Variants in XPA observed in about 807,000 individuals in gnomAD.
XPA encodes DNA repair protein complementing XP-A cells.
In XPA, 27 loss-of-function variants were observed where a neutral mutation model predicts 35.7. That is an observed-to-expected ratio of 0.76 (90% CI 0.56 to 1.04). XPA has a LOEUF of 1.04. Ranked by LOEUF, XPA falls within the 50% of genes least tolerant of loss-of-function variation. The pLI is 0.00. For missense variants in XPA, 354 were observed against 342.7 expected (o/e 1.03, Z -0.26); for synonymous variants, 133 against 118.4 (o/e 1.12, Z -0.80).
Position 97,675,311 on chromosome 9 carries a change from ATT to A in XPA, c.*126_*127del. The A allele has an allele frequency of 9.6e-7, 1 of 1,039,236 alleles. No individual in the cohort carries two copies. 64.4% of individuals were successfully genotyped at this position (1,039,236 alleles called of 1,614,324 possible). On this transcript the variant is annotated 3_prime_UTR_variant, in exon 6 of 6. Coordinates refer to ENST00000375128, the MANE Select transcript of XPA (RefSeq NM_000380.4). ...TAACATACATAATTATTACTGAAGT[ATT>A]ACTTATACAAGGGTTTCATTCATCT...
chr9:97,671,329 A>G, downstream of XPA: 6 of 658,012 alleles, frequency 9.1e-6, no homozygotes, highest in Non-Finnish European at 1.5e-5. Context: ...GGGGAAGAGG[A>G]CAGTGAATGA....
At chr9:97,695,568 C>CT (rs1295102060) in intron 1 of XPA, among the ~76,000 whole-genome samples, 5 of 152,230 alleles carry the variant, frequency 3.3e-5, no homozygotes. Context: ...GAGCCCATGA[C>CT]TTGAGCAGGA....
At chr9:97,659,085 T>C in the XPA span, among the ~76,000 whole-genome samples, 3 of 152,248 alleles carry the variant, frequency 2.0e-5, no homozygotes, top group Non-Finnish European at 2.9e-5. Context: ...AGGTGTGGTA[T>C]TGAGAACATA....
chr9:97,673,998 C>T (rs1006550465), downstream of XPA, among the ~76,000 whole-genome samples: 2 of 152,072 alleles, frequency 1.3e-5, no homozygotes, highest in Non-Finnish European at 2.9e-5. Context: ...TAGGTTCACC[C>T]TATTAACTAC....
intron 5 of XPA, among the ~76,000 whole-genome samples, chr9:97,679,175 T>C (rs1395536981): frequency 6.6e-6 from 1 of 152,204 alleles, no homozygotes; most frequent in Non-Finnish European, 1.5e-5. Flanking sequence ...AATATATCCC[T>C]ATTAGGAAAT....
At chr9:97,655,824 G>A in the XPA span, 1 of 1,483,614 alleles carries the variant, frequency 6.7e-7, no homozygotes, top group African/African-American at 1.4e-5. Context: ...GTTTAAAACT[G>A]TAACATAAAA....
At chr9:97,675,941 C>T in intron 5 of XPA, 1 of 266,568 alleles carries the variant, frequency 3.8e-6, no homozygotes, top group Non-Finnish European at 7.3e-6. Flanking sequence ...CAGAATGCCA[C>T]AGTAGGAAAA....
chr9:97,675,205 G>T lies in XPA; in HGVS notation c.*234C>A, dbSNP rs3176752. ...ACTCTAGCACTCAGCTCCCATCTCTGTTGTAAGAAGGCAATCACAGACATG... is the reference window on the plus strand; with the variant it reads ...ACTCTAGCACTCAGCTCCCATCTCTTTTGTAAGAAGGCAATCACAGACATG... On this transcript the variant is annotated 3_prime_UTR_variant, in exon 6 of 6. Coordinates refer to ENST00000375128, the MANE Select transcript of XPA (RefSeq NM_000380.4). 11,811 of 633,110 alleles carry T rather than the reference G, an allele frequency of 0.019. 625 individuals are homozygous for T. Among genetic ancestry groups the T allele is most frequent in the Admixed American group, 0.11 (5,090 of 47,652 alleles). 39.2% of individuals were successfully genotyped at this position (633,110 alleles called of 1,614,324 possible). A position where few individuals can be genotyped will look rare whatever the true frequency, so the allele number is the denominator to read the frequency against.
At chr9:97,684,467 C>G (rs1056507452) in intron 5 of XPA, among the ~76,000 whole-genome samples, 3 of 152,208 alleles carry the variant, frequency 2.0e-5, no homozygotes, top group Non-Finnish European at 4.4e-5. Context: ...AGTCACTCCA[C>G]CTTTCTGGGT....
At chr9:97,664,211 C>T in the XPA span, 1 of 538,166 alleles carries the variant, frequency 1.9e-6, no homozygotes, top group Non-Finnish European at 3.3e-6. Context: ...ATTGATCAAT[C>T]AATTCCATAG....
chr9:97,675,401 A>G lies in XPA; in HGVS notation c.*38T>C, dbSNP rs376885568. 5.7e-6 allele frequency: 9 copies of G among 1,576,590 alleles called. No individual in the cohort carries two copies. The African/African-American group carries it at 1.2e-4, about 22-fold the overall frequency. ...ACCAATCTAAATTTCCTTTATTTAA[A>G]TATAAAATTCTATAAAACAGGTCAC... On this transcript the variant is annotated 3_prime_UTR_variant, in exon 6 of 6. Coordinates refer to ENST00000375128, the MANE Select transcript of XPA (RefSeq NM_000380.4).
intron 5 of XPA, chr9:97,676,024 A>C: frequency 5.3e-6 from 1 of 187,126 alleles, no homozygotes; most frequent in Non-Finnish European, 1.1e-5. Context: ...ATAAGCATCA[A>C]GTCAAGCTTT....
chr9:97,670,006 T>A, downstream of XPA: 4 of 406,524 alleles, frequency 9.8e-6, no homozygotes, highest in Non-Finnish European at 1.8e-5. Flanking sequence ...CACTGCAACC[T>A]CCACCTCCTA....
chr9:97,683,325 T>C (rs905569600), intron 5 of XPA, among the ~76,000 whole-genome samples: 1 of 152,148 alleles, frequency 6.6e-6, no homozygotes, highest in African/African-American at 2.4e-5. Context: ...TGTAAAGCAC[T>C]GAAAAGATTA....
chr9:97,694,321 A>G (rs1017168180), intron 1 of XPA, among the ~76,000 whole-genome samples: 4 of 152,242 alleles, frequency 2.6e-5, no homozygotes, highest in African/African-American at 9.6e-5. Context: ...GTGGGTAACT[A>G]AAGCCACAGA....
At chr9:97,695,723 G>A (rs1202696093) in intron 1 of XPA, among the ~76,000 whole-genome samples, 1 of 152,132 alleles carries the variant, frequency 6.6e-6, no homozygotes, top group African/African-American at 2.4e-5. Flanking sequence ...ATGGCACACA[G>A]AGAAAAAGAA....
At chr9:97,675,965 A>G (rs971346755) in intron 5 of XPA, 9 of 232,378 alleles carry the variant, frequency 3.9e-5, no homozygotes, top group Non-Finnish European at 7.7e-5. Context: ...GTCAGCTGAA[A>G]TAATTAAGAA....
chr9:97,675,443 A>G lies in XPA; in HGVS notation c.818T>C (p.Met273Thr). Reference sequence around the variant, plus strand: ...ACAGGTCACTGAACTAAAAAATCACATTTTTTCATATGTCAGTTCATGGCC... The same window carrying G: ...ACAGGTCACTGAACTAAAAAATCACGTTTTTTCATATGTCAGTTCATGGCC... ...MCGHELTYEKM is the reference protein window; with the variant it reads ...MCGHELTYEKT Residue 273 changes from methionine (M) to threonine (T), a missense_variant, in exon 6 of 6, where the codon ATG (methionine) becomes ACG (threonine). Coordinates refer to ENST00000375128, the MANE Select transcript of XPA (RefSeq NM_000380.4). 1 of 1,612,966 alleles carries G rather than the reference A, an allele frequency of 6.2e-7. No homozygotes were observed. The highest frequency in any genetic ancestry group is 8.5e-7 in the Non-Finnish European group (1 of 1,179,700).
chr9:97,692,121 G>A (rs926625289), intron 2 of XPA, among the ~76,000 whole-genome samples: 6 of 151,142 alleles, frequency 4.0e-5, no homozygotes, highest in South Asian at 4.2e-4. Flanking sequence ...GAGAAACCCC[G>A]TCTCTACTAA....
Sources: allele counts gnomAD v4.1 joint callset (sites outside exome capture counted in the v4.1 genomes callset), GRCh38; gene constraint gnomAD v4.1.1; transcripts MANE v1.5; gene names NCBI Gene and HGNC (gene_info 2026-07-23, HGNC 2026-07-21).